The following ERGIC2 variants were observed in gnomAD, a reference collection of about 807,000 sequenced individuals.
ERGIC2 encodes endoplasmic reticulum-Golgi intermediate compartment protein 2.
In ERGIC2, 31 loss-of-function variants were observed where a neutral mutation model predicts 52.5. The ratio of observed to expected loss-of-function variants is 0.59; its 90% CI spans 0.44 to 0.80. The LOEUF is 0.80. Among genes scored for constraint, ERGIC2 ranks in the 30% least tolerant of loss-of-function variants. ERGIC2 has a pLI of 0.00. For synonymous variants in ERGIC2, 129 were observed against 140.6 expected, an observed-to-expected ratio of 0.92 and a Z score of 0.58; for missense variants, 395 against 455.2, an observed-to-expected ratio of 0.87 and a Z score of 1.20.
intron 5 of ERGIC2, among the ~76,000 whole-genome samples, chr12:29,364,917 A>T (rs894362135): frequency 2.0e-5 from 3 of 151,644 alleles, no homozygotes; most frequent in Non-Finnish European, 4.4e-5. Context: ...ATCTCACACC[A>T]GTCAGAATGG....
intron 1 of ERGIC2, among the ~76,000 whole-genome samples, chr12:29,378,821 G>A (rs1036833612): frequency 1.3e-5 from 2 of 152,102 alleles, no homozygotes; most frequent in African/African-American, 4.8e-5. Context: ...GACAAGTGTG[G>A]AAAGATACTC....
At chr12:29,371,078 T>C (rs1041340546) in intron 2 of ERGIC2, among the ~76,000 whole-genome samples, 1 of 152,162 alleles carries the variant, frequency 6.6e-6, no homozygotes, top group Non-Finnish European at 1.5e-5. Flanking sequence ...ATTTTTCTTA[T>C]ATATTTCATT....
At chr12:29,379,122 C>G (rs1940552958) in intron 1 of ERGIC2, among the ~76,000 whole-genome samples, 1 of 152,024 alleles carries the variant, frequency 6.6e-6, no homozygotes, top group South Asian at 2.1e-4. Flanking sequence ...TTAAAAGTGC[C>G]TAGTAGCAAT....
Position 29,350,054 on chromosome 12 carries a change from G to A in ERGIC2, c.587C>T (p.Pro196Leu). 1.2e-6 allele frequency: 2 copies of A among 1,604,796 alleles called. No homozygotes were observed. Among genetic ancestry groups the A allele is most frequent in the Non-Finnish European group, 1.7e-6 (2 of 1,172,652 alleles). Residue 196 changes from proline (P) to leucine (L), a missense_variant, in exon 9 of 14, where the codon CCT (proline) becomes CTT (leucine). Physicochemically the swap from Pro to Leu is moderately conservative, Grantham distance 98 (BLOSUM62 -3). Transcript: ENST00000360150. ...HITVGKAIPH[P>L]RGHAHLAALV... ...TGCTGCCAAATGTGCATGACCACGA[G>A]GATGTGGAATTGCCCTGAAAGGAGA...
chr12:29,367,777 T>TATA (rs1188407823), intron 4 of ERGIC2, among the ~76,000 whole-genome samples: 1 of 151,828 alleles, frequency 6.6e-6, no homozygotes, highest in Non-Finnish European at 1.5e-5. Context: ...CTTCTATTAG[T>TATA]ATAACCAAGT....
At position 29,349,099 on chromosome 12, in the gene ERGIC2, G is replaced by T. The variant is rs768983937; in HGVS notation, c.707C>A (p.Thr236Asn). 1 of 1,548,190 alleles carries T rather than the reference G, an allele frequency of 6.5e-7. No individual in the cohort carries two copies. The highest frequency in any genetic ancestry group is 1.9e-5 in the Admixed American group (1 of 51,398). Residue 236 changes from threonine (T) to asparagine (N), a missense_variant, in exon 10 of 14, where the codon ACT becomes AAT. Transcript: ENST00000360150. ...VPAIINPLDG[T>N]EKIAIDHNQM... ...CTTACGATCTATAGCAATTTTTTCAGTTCCATCTAAAGGATTAATAATTGC... is the reference window on the plus strand; with the variant it reads ...CTTACGATCTATAGCAATTTTTTCATTTCCATCTAAAGGATTAATAATTGC...
At chr12:29,364,291 G>A (rs1940327909) in intron 5 of ERGIC2, among the ~76,000 whole-genome samples, 1 of 152,074 alleles carries the variant, frequency 6.6e-6, no homozygotes, top group South Asian at 2.1e-4. Flanking sequence ...GGAGAATCCA[G>A]AAATCAAGCT....
Position 29,356,432 on chromosome 12 carries a change from G to A in ERGIC2, c.522C>T (p.Gly174=). Residue 174 remains glycine, a synonymous_variant, in exon 8 of 14, where the codon GGC becomes GGT. Coordinates refer to ENST00000360150, the MANE Select transcript of ERGIC2 (RefSeq NM_016570.3). ...SQSPNACRIH[G]HLYVNKVAGN... is the part of the protein sequence containing the mutation. ...CTGCTACTTTATTGACATATAGATG[G>A]CCATGAATTCTGCATGCATTTGGAG... 6.2e-7 allele frequency: 1 copy of A among 1,604,440 alleles called. No individual in the cohort carries two copies. Among genetic ancestry groups the A allele is most frequent in the Non-Finnish European group, 8.5e-7 (1 of 1,171,454 alleles).
intron 1 of ERGIC2, among the ~76,000 whole-genome samples, chr12:29,375,831 G>A (rs993135878): frequency 4.6e-5 from 7 of 152,058 alleles, no homozygotes; most frequent in African/African-American, 1.7e-4. Context: ...TCGCCCCTCA[G>A]CTACTCCACC....
intron 1 of ERGIC2, among the ~76,000 whole-genome samples, chr12:29,379,494 T>C (rs1306235563): frequency 1.3e-5 from 2 of 152,208 alleles, no homozygotes. Context: ...CAGAAAGATA[T>C]TATTTTAAAC....
rs1327375951 is a variant in ERGIC2 at position 29,339,545 on chromosome 12, G to A, written c.*1611C>T. 3.3e-5 allele frequency: 5 copies of A among 152,084 alleles called. No individual in the cohort carries two copies. The highest frequency in any genetic ancestry group is 2.1e-4 in the South Asian group (1 of 4,826). The allele number at this position is 152,084 out of a possible 1,614,324, so 9.4% of individuals were successfully genotyped here. A position where few individuals can be genotyped will look rare whatever the true frequency, so the allele number is the denominator to read the frequency against. On this transcript the variant is annotated 3_prime_UTR_variant, in exon 14 of 14. Coordinates refer to ENST00000360150, the MANE Select transcript of ERGIC2 (RefSeq NM_016570.3). Reference sequence around the variant, plus strand: ...TAAAACCTAGAGAAGGCTCATTCACGATTCAGAATTTTCTGTTTAAAAATC... The same window carrying A: ...TAAAACCTAGAGAAGGCTCATTCACAATTCAGAATTTTCTGTTTAAAAATC...
chr12:29,361,684 G>A lies in ERGIC2; in HGVS notation c.335C>T (p.Thr112Ile). Residue 112 changes from threonine to isoleucine, a missense_variant and splice_region_variant, in exon 6 of 14, where the codon ACA (threonine) becomes ATA (isoleucine). Transcript: ENST00000360150. ...CTGCTGTGGTGAAAGATCAAATACT[G>A]TCTGAAATGAAAGAAAACATAATCA... Reference protein sequence around the residue: ...ASADGLVYEPTVFDLSPQQKE... With the variant: ...ASADGLVYEPIVFDLSPQQKE... The A allele has an allele frequency of 1.2e-6, 2 of 1,600,184 alleles. No individual in the cohort carries two copies. Among genetic ancestry groups the A allele is most frequent in the Non-Finnish European group, 1.7e-6 (2 of 1,173,062 alleles).
rs1375997672 is a variant in ERGIC2 at position 29,368,279 on chromosome 12, C to A, written c.224G>T (p.Arg75Ile). 1 of 1,529,004 alleles carries A rather than the reference C, an allele frequency of 6.5e-7. No homozygotes were observed. Among genetic ancestry groups the A allele is most frequent in the Non-Finnish European group, 9.0e-7 (1 of 1,105,342 alleles). 94.7% of individuals were successfully genotyped at this position (1,529,004 alleles called of 1,614,324 possible). Residue 75 changes from arginine to isoleucine, a missense_variant, in exon 4 of 14, where the codon AGA becomes ATA. Coordinates refer to ENST00000360150, the MANE Select transcript of ERGIC2 (RefSeq NM_016570.3). ...EVDKDFSSKL[R>I]INIDITVAMK... ...GGCAACAGTAATATCTATATTAATT[C>A]TTAATTTGCTGAAAGACAAAATATT... is the stretch of plus-strand genomic sequence containing the variant.
rs117497740 is a variant in ERGIC2, at chr12:29,366,632, T to C, written c.333+245A>G. On this transcript the variant is annotated intron_variant, in intron 5 of 13. Coordinates refer to ENST00000360150, the MANE Select transcript of ERGIC2 (RefSeq NM_016570.3). Reference sequence around the variant, plus strand: ...ATAACAAAAATATTAAAAAAGGTTATAAAACAGACTTTAGACACATCCAAA... The same window carrying C: ...ATAACAAAAATATTAAAAAAGGTTACAAAACAGACTTTAGACACATCCAAA... Among the ~76,000 whole-genome samples, 1,039 of 151,960 alleles carry C rather than the reference T, an allele frequency of 6.8e-3. 8 individuals are homozygous for C. The highest frequency in any genetic ancestry group is 8.7e-3 in the Non-Finnish European group (588 of 67,822).
At chr12:29,361,824 T>C in intron 5 of ERGIC2, 139 bp from the exon 6 acceptor site, 1 of 531,910 alleles carries the variant, frequency 1.9e-6, no homozygotes, top group South Asian at 4.4e-5. Flanking sequence ...ACATTCAACT[T>C]CTATAAGTCA....
At chr12:29,365,831 C>T (rs1398345949) in intron 5 of ERGIC2, among the ~76,000 whole-genome samples, 1 of 151,884 alleles carries the variant, frequency 6.6e-6, no homozygotes, top group African/African-American at 2.4e-5. Flanking sequence ...TAACTAAGCT[C>T]ATAAAAAATT....
intron 8 of ERGIC2, among the ~76,000 whole-genome samples, chr12:29,355,182 C>T (rs566380255): frequency 3.9e-5 from 6 of 152,188 alleles, no homozygotes; most frequent in East Asian, 1.9e-4. Flanking sequence ...TGACTTGCAG[C>T]GTACATTTAA....
Position 29,357,717 on chromosome 12 carries a change from G to A in ERGIC2, c.382C>T (p.Gln128Ter). The A allele has an allele frequency of 6.3e-7, 1 of 1,584,244 alleles. No homozygotes were observed. Among genetic ancestry groups the A allele is most frequent in the Non-Finnish European group, 8.7e-7 (1 of 1,153,856 alleles). Residue 128 changes from glutamine to a stop codon, truncating the protein, a stop_gained, in exon 7 of 14, where the codon CAG becomes TAG. Coordinates refer to ENST00000360150, the MANE Select transcript of ERGIC2 (RefSeq NM_016570.3). LOFTEE classifies it high-confidence loss of function. ...TCTTGTAGCCTACTCTGAATCAGCT[G>A]CAGCATCCTAAATAAGAAGCAATAA... ...PQQKEWQRML[Q>*]LIQSRLQEEH...
chr12:29,352,279 A>G (rs1940143704), intron 8 of ERGIC2, among the ~76,000 whole-genome samples: 1 of 152,228 alleles, frequency 6.6e-6, no homozygotes, highest in South Asian at 2.1e-4. Flanking sequence ...TATGCCAATA[A>G]AACTTTATTT....
Sources: allele counts gnomAD v4.1 joint callset (sites outside exome capture counted in the v4.1 genomes callset), GRCh38; gene constraint gnomAD v4.1.1; transcripts MANE v1.5; gene names NCBI Gene and HGNC (gene_info 2026-07-23, HGNC 2026-07-21).